Variants in CYTH1 observed in about 807,000 individuals in gnomAD.
CYTH1 encodes the protein cytohesin 1.
A neutral mutation model predicts 61.8 loss-of-function variants in CYTH1; 18 were observed. The observed-to-expected ratio is 0.29, with a 90% confidence interval of 0.20 to 0.43. The LOEUF is 0.43. Among genes scored for constraint, CYTH1 ranks in the 20% least tolerant of loss-of-function variants. CYTH1 has a pLI of 1.00. For synonymous variants in CYTH1, 174 were observed against 184.3 expected, an observed-to-expected ratio of 0.94 and a Z score of 0.45; for missense variants, 336 against 510.5, an observed-to-expected ratio of 0.66 and a Z score of 3.29.
At chr17:78,740,378 C>T (rs1390905601) in intron 1 of CYTH1, among the ~76,000 whole-genome samples, 2 of 152,222 alleles carry the variant, frequency 1.3e-5, no homozygotes, top group Non-Finnish European at 2.9e-5. Flanking sequence ...TGACTTTGAG[C>T]TTCTGCTCCC....
In CYTH1 at chr17:78,675,745, T is replaced by G; in HGVS notation, c.*346A>C. 1.4e-6 allele frequency: 1 copy of G among 692,732 alleles called. No homozygotes were observed. The highest frequency in any genetic ancestry group is 2.3e-6 in the Non-Finnish European group (1 of 442,392). 42.9% of individuals were successfully genotyped at this position (692,732 alleles called of 1,614,324 possible). A position where few individuals can be genotyped will look rare whatever the true frequency, so the allele number is the denominator to read the frequency against. On this transcript the variant is annotated 3_prime_UTR_variant, in exon 14 of 14. Coordinates refer to ENST00000446868, the MANE Select transcript of CYTH1 (RefSeq NM_004762.6). ...ATTTATGGTGCAGGGTTTGAAGGCT[T>G]CTTCACGGGGACAACCAAGAGGTAA...
intron 1 of CYTH1, among the ~76,000 whole-genome samples, chr17:78,757,447 C>A (rs2093406346): frequency 1.3e-5 from 2 of 152,058 alleles, no homozygotes; most frequent in Admixed American, 6.6e-5. Flanking sequence ...CATAGAGTGT[C>A]CAGCTCATTA....
chr17:78,698,999 G>A (rs372876719), intron 7 of CYTH1, 31 bp from the exon 8 acceptor site: 115 of 1,603,148 alleles, frequency 7.2e-5, no homozygotes, highest in Non-Finnish European at 8.6e-5. Flanking sequence ...AAGGGGAGCC[G>A]TTGCATGCTC....
chr17:78,780,438 C>T (rs1245266020), intron 1 of CYTH1, among the ~76,000 whole-genome samples: 1 of 152,184 alleles, frequency 6.6e-6, no homozygotes, highest in Admixed American at 6.5e-5. Flanking sequence ...ATTGCTTGAG[C>T]CAAGGAAGCA....
chr17:78,692,523 C>G (rs2092898684), intron 10 of CYTH1, 30 bp from the exon 11 acceptor site: 2 of 1,610,120 alleles, frequency 1.2e-6, no homozygotes, highest in Non-Finnish European at 8.5e-7. Context: ...GCACGTTCGA[C>G]AAGAGACAAC....
intron 1 of CYTH1, among the ~76,000 whole-genome samples, chr17:78,762,934 T>A (rs1054283566): frequency 6.6e-6 from 1 of 152,240 alleles, no homozygotes; most frequent in African/African-American, 2.4e-5. Flanking sequence ...AACTGTAAGA[T>A]AATAATGTAT....
intron 8 of CYTH1, 124 bp from the exon 9 acceptor site, chr17:78,698,504 G>C: frequency 1.3e-6 from 1 of 775,568 alleles, no homozygotes; most frequent in East Asian, 2.6e-5. Flanking sequence ...TAGATGCTGA[G>C]ACTAGAAGAT....
At chr17:78,691,382 T>A (rs1598831399) in intron 11 of CYTH1, 1 of 152,256 alleles carries the variant, frequency 6.6e-6, no homozygotes, top group African/African-American at 2.4e-5. Context: ...TCTTCACACC[T>A]CACAGCAGAA....
intron 1 of CYTH1, among the ~76,000 whole-genome samples, chr17:78,740,202 C>T (rs1598899667): frequency 1.3e-5 from 2 of 152,206 alleles, no homozygotes; most frequent in East Asian, 3.9e-4. Context: ...TCCCAAAGTG[C>T]TGAGATTACA....
rs185038622 is a variant in CYTH1, at chr17:78,720,774, C to G, written c.23-11042G>C. Among the ~76,000 whole-genome samples, 465 of 152,330 alleles carry G rather than the reference C, an allele frequency of 3.1e-3. 2 individuals carry two copies. The highest frequency in any genetic ancestry group is 5.4e-3 in the Non-Finnish European group (367 of 68,022). The stretch of plus-strand genomic sequence containing the variant: ...CTTGTAGTCCCAGCTACTTAGGAGG[C>G]TGAGGTGCGAGGACCGCGTAAGCCC... On this transcript the variant is annotated intron_variant, in intron 1 of 13. Coordinates refer to ENST00000446868, the MANE Select transcript of CYTH1 (RefSeq NM_004762.6).
chr17:78,704,973 T>C (rs1244027409), intron 3 of CYTH1, among the ~76,000 whole-genome samples: 1 of 152,228 alleles, frequency 6.6e-6, no homozygotes, highest in African/African-American at 2.4e-5. Context: ...TGAAGGGTTA[T>C]GACCAGGTAT....
chr17:78,778,637 C>CAAAAAA (rs71309108), intron 1 of CYTH1, among the ~76,000 whole-genome samples: 31 of 64,172 alleles, frequency 4.8e-4, no homozygotes, highest in Admixed American at 7.7e-4. Flanking sequence ...GACTCCATCT[C>CAAAAAA]AAAAAAAAAA....
chr17:78,718,038 C>T (rs2093196801), intron 1 of CYTH1, among the ~76,000 whole-genome samples: 2 of 151,954 alleles, frequency 1.3e-5, no homozygotes, highest in Non-Finnish European at 2.9e-5. Context: ...GGAGTGAGCC[C>T]TCATTTGCGG....
In CYTH1 at chr17:78,674,735, AGCCACCTGCTCT is replaced by A. The variant is rs1191085054; in HGVS notation, c.*1344_*1355del. 1 of 152,424 alleles carries A rather than the reference AGCCACCTGCTCT, an allele frequency of 6.6e-6. No homozygotes were observed. Among genetic ancestry groups the A allele is most frequent in the Non-Finnish European group, 1.5e-5 (1 of 68,184 alleles). 9.4% of individuals were successfully genotyped at this position (152,424 alleles called of 1,614,324 possible). On this transcript the variant is annotated 3_prime_UTR_variant, in exon 14 of 14. Coordinates refer to ENST00000446868, the MANE Select transcript of CYTH1 (RefSeq NM_004762.6). ...GGCGGGGCGAGACGGCCAGACAGCC[AGCCACCTGCTCT>A]GCCTGGACTGGCATGCTGGCCCTGG...
At chr17:78,753,166 A>G (rs544042337) in intron 1 of CYTH1, among the ~76,000 whole-genome samples, 2 of 152,312 alleles carry the variant, frequency 1.3e-5, no homozygotes, top group East Asian at 3.9e-4. Flanking sequence ...ACAGACTGTC[A>G]ATAAATGGTC....
chr17:78,737,891 A>T (rs868454362), intron 1 of CYTH1, among the ~76,000 whole-genome samples: 1,327 of 132,686 alleles, frequency 0.01, 22 homozygotes, highest in African/African-American at 0.031. Flanking sequence ...ACACACACAC[A>T]CACACACACG....
chr17:78,756,534 T>G (rs996986903), intron 1 of CYTH1, among the ~76,000 whole-genome samples: 1 of 152,138 alleles, frequency 6.6e-6, no homozygotes, highest in African/African-American at 2.4e-5. Context: ...AAATGTCAGT[T>G]AGTACCCCTA....
intron 11 of CYTH1, among the ~76,000 whole-genome samples, chr17:78,686,965 G>C (rs540257630): frequency 1.0e-3 from 152 of 152,054 alleles, no homozygotes; most frequent in African/African-American, 3.5e-3. Flanking sequence ...ATTTTTAGTA[G>C]AGACGGGGTT....
intron 1 of CYTH1, among the ~76,000 whole-genome samples, chr17:78,744,701 T>C (rs1488955387): frequency 6.6e-6 from 1 of 152,170 alleles, no homozygotes; most frequent in African/African-American, 2.4e-5. Context: ...TTCAAAGAAC[T>C]TGCCATTCCT....
Sources: allele counts gnomAD v4.1 joint callset (sites outside exome capture counted in the v4.1 genomes callset), GRCh38; gene constraint gnomAD v4.1.1; transcripts MANE v1.5; gene names NCBI Gene and HGNC (gene_info 2026-07-23, HGNC 2026-07-21).